ARMC3: variants seen among roughly 807,000 people sequenced by gnomAD.
ARMC3 encodes the protein armadillo repeat-containing protein 3.
ARMC3 carries 74 observed loss-of-function variants against 90.3 expected under a neutral mutation model. The observed-to-expected ratio is 0.82, with a 90% CI of 0.68 to 0.99. The LOEUF is 0.99. Among genes scored for constraint, ARMC3 ranks in the 50% least tolerant of loss-of-function variants. The pLI, the probability that ARMC3 is intolerant of heterozygous loss-of-function variation, is 0.00. For missense variants in ARMC3, 958 were observed against 1,042.8 expected (o/e 0.92, Z 1.12); for synonymous variants, 334 against 361.8 (o/e 0.92, Z 0.87).
intron 16 of ARMC3, 53 bp from the exon 17 acceptor site, chr10:23,030,539 ATTGT>A: frequency 3.2e-6 from 5 of 1,553,314 alleles, no homozygotes; most frequent in South Asian, 1.2e-5. Flanking sequence ...TGCAAGAGCA[ATTGT>A]TTGTTTGTTT....
intron 8 of ARMC3, among the ~76,000 whole-genome samples, chr10:22,971,441 G>GTTT (rs766355258): frequency 1.2e-4 from 15 of 128,538 alleles, no homozygotes; most frequent in South Asian, 2.5e-4. Flanking sequence ...TATATTTTTA[G>GTTT]TTTTTTTTTT....
chr10:23,013,704 C>T (rs890833960), intron 16 of ARMC3, among the ~76,000 whole-genome samples: 1 of 152,182 alleles, frequency 6.6e-6, no homozygotes, highest in African/African-American at 2.4e-5. Flanking sequence ...CCATGCTGTA[C>T]ATTAGATCTC....
At chr10:22,959,191 T>A (rs1835086293) in intron 5 of ARMC3, 53 bp downstream of exon 5, 1 of 1,468,162 alleles carries the variant, frequency 6.8e-7, no homozygotes, top group Non-Finnish European at 9.5e-7. Flanking sequence ...TTTTTACACT[T>A]GATTAAACTA....
chr10:23,027,559 A>C (rs1199673791), intron 16 of ARMC3, among the ~76,000 whole-genome samples: 1 of 152,174 alleles, frequency 6.6e-6, no homozygotes, highest in African/African-American at 2.4e-5. Context: ...CTACATAGAC[A>C]GTCATGTCAT....
intron 10 of ARMC3, 88 bp downstream of exon 10, chr10:22,981,788 T>G: frequency 8.9e-7 from 1 of 1,124,952 alleles, no homozygotes; most frequent in East Asian, 2.5e-5. Context: ...ACTTTCACGA[T>G]AGTCTATGAA....
At chr10:22,957,411 G>A (rs1261240350) in intron 4 of ARMC3, among the ~76,000 whole-genome samples, 1 of 152,200 alleles carries the variant, frequency 6.6e-6, no homozygotes, top group African/African-American at 2.4e-5. Flanking sequence ...GGCCCTGTGC[G>A]AGGGGTCAGT....
chr10:22,968,942 T>A (rs1429524695), intron 8 of ARMC3, among the ~76,000 whole-genome samples: 2 of 152,218 alleles, frequency 1.3e-5, no homozygotes, highest in Admixed American at 6.5e-5. Flanking sequence ...TCACTTCCAA[T>A]GAGTTAGAGA....
chr10:23,002,150 C>T (rs573331101), intron 12 of ARMC3, 95 bp downstream of exon 12: 48 of 1,487,144 alleles, frequency 3.2e-5, no homozygotes, highest in African/African-American at 2.4e-4. Context: ...GCCAAGTCTC[C>T]GCTGCTCTCT....
intron 8 of ARMC3, among the ~76,000 whole-genome samples, chr10:22,980,413 C>G (rs564946297): frequency 1.6e-4 from 25 of 152,078 alleles, no homozygotes; most frequent in African/African-American, 5.8e-4. Context: ...ATACCAGTCC[C>G]TGGTACATCT....
rs530424701 is a variant in ARMC3, at chr10:23,014,888, A to C, written c.2045+5957A>C. Among the ~76,000 whole-genome samples, 937 of 144,250 alleles carry C rather than the reference A, an allele frequency of 6.5e-3. 7 individuals are homozygous for C. The highest frequency in any genetic ancestry group is 0.01 in the Non-Finnish European group (656 of 65,300). 94.6% of individuals were successfully genotyped at this position (144,250 alleles called of 152,430 possible). On this transcript the variant is annotated intron_variant, in intron 16 of 18. Transcript: ENST00000298032. ...ATACCTGAGTGATGAGATAATCTGTACAAAAAAAAAAAAAAAAAAAACCCC... is the reference window on the plus strand; with the variant it reads ...ATACCTGAGTGATGAGATAATCTGTCCAAAAAAAAAAAAAAAAAAAACCCC...
Position 23,037,562 on chromosome 10 carries a change from TCTTTAAATAAAAA to T in ARMC3, c.*96_*108del. 2 of 1,171,406 alleles carry T rather than the reference TCTTTAAATAAAAA, an allele frequency of 1.7e-6. No homozygotes were observed. Among genetic ancestry groups the T allele is most frequent in the Admixed American group, 2.8e-5 (1 of 36,276 alleles). 72.6% of individuals were successfully genotyped at this position (1,171,406 alleles called of 1,614,324 possible). On this transcript the variant is annotated 3_prime_UTR_variant, in exon 19 of 19. Transcript: ENST00000298032. ...AGACATTCTCCAAATTGATTTTATC[TCTTTAAATAAAAA>T]CTTTAAATAAAAGTATTAGAAATGT...
chr10:22,994,418 C>T (rs1484937805), intron 10 of ARMC3, among the ~76,000 whole-genome samples: 2 of 152,134 alleles, frequency 1.3e-5, no homozygotes, highest in Non-Finnish European at 2.9e-5. Flanking sequence ...TGGGGGTAGG[C>T]CAGGCATGGC....
At chr10:22,929,697 G>A (rs981080016) in intron 1 of ARMC3, among the ~76,000 whole-genome samples, 1 of 152,128 alleles carries the variant, frequency 6.6e-6, no homozygotes, top group African/African-American at 2.4e-5. Context: ...GCAGGCACAT[G>A]CCACCGCCAC....
At chr10:22,994,271 C>A (rs1171373232) in intron 10 of ARMC3, among the ~76,000 whole-genome samples, 1 of 151,976 alleles carries the variant, frequency 6.6e-6, no homozygotes, top group Non-Finnish European at 1.5e-5. Context: ...TGGGAAAGAG[C>A]CTGGCATATT....
Position 23,030,685 on chromosome 10 carries a change from A to C in ARMC3, c.2135A>C (p.Asp712Ala). ...AAATTTGTTGGTGAAGGAAGCTCTG[A>C]CAAAGAATGGTGTCCTCCCTCTGAC... ...VPKFVGEGSS[D>A]KEWCPPSDPD... The change falls in exon 17 of 19, where the codon GAC becomes GCC. Residue 712 changes from aspartate (D) to alanine (A), a missense_variant. Asp to Ala is a moderately radical substitution (Grantham distance 126). Transcript: ENST00000298032. 1 of 1,613,932 alleles carries C rather than the reference A, an allele frequency of 6.2e-7. No homozygotes were observed.
chr10:22,955,083 C>G (rs867690758), intron 3 of ARMC3: 1 of 152,128 alleles, frequency 6.6e-6, no homozygotes, highest in Non-Finnish European at 1.5e-5. Flanking sequence ...CTTTTTACAC[C>G]CTCTGTTACT....
At chr10:23,014,464 A>T (rs904721610) in intron 16 of ARMC3, 1 of 1,051,098 alleles carries the variant, frequency 9.5e-7, no homozygotes, top group Admixed American at 4.9e-5. Context: ...ATAGAATAAA[A>T]TATTTTAACT....
chr10:23,008,503 G>T (rs1306297572), intron 15 of ARMC3, 129 bp downstream of exon 15: 2 of 649,424 alleles, frequency 3.1e-6, no homozygotes, highest in Admixed American at 3.2e-5. Flanking sequence ...TTGCATAATT[G>T]CCTTTTACAT....
intron 2 of ARMC3, among the ~76,000 whole-genome samples, chr10:22,944,319 C>A (rs1403987634): frequency 1.3e-5 from 2 of 152,086 alleles, no homozygotes; most frequent in Non-Finnish European, 2.9e-5. Context: ...TCTATTTGGT[C>A]AAGCTAATAT....
Sources: gnomAD v4.1 joint callset for allele counts (sites outside exome capture counted in the v4.1 genomes callset) on GRCh38, gnomAD v4.1.1 for gene constraint, MANE v1.5 for transcripts, NCBI Gene and HGNC (gene_info 2026-07-23, HGNC 2026-07-21) for gene names.